The following FAIM2 variants were observed in gnomAD, a reference collection of about 807,000 sequenced individuals.
FAIM2 encodes the protein Fas apoptotic inhibitory molecule 2, also known as protein lifeguard 2.
Under a neutral mutation model 47.4 loss-of-function variants are expected in FAIM2, and 27 were observed. The ratio of observed to expected loss-of-function variants is 0.57; its 90% CI spans 0.42 to 0.78. FAIM2 has a LOEUF of 0.78. FAIM2 is among the 30% of genes least tolerant of loss of function. The probability of loss-of-function intolerance (pLI) is 0.00; values close to 1 mark genes in which losing one functional copy is unlikely to be tolerated. For missense variants in FAIM2, 311 were observed against 389.4 expected, an observed-to-expected ratio of 0.80 and a Z score of 1.69; for synonymous variants, 156 against 159.3, an observed-to-expected ratio of 0.98 and a Z score of 0.16.
At chr12:49,885,294 C>CCCGG in intron 11 of FAIM2, among the ~76,000 whole-genome samples, 1 of 152,310 alleles carries the variant, frequency 6.6e-6, no homozygotes, top group South Asian at 2.1e-4. Flanking sequence ...AAGTAAACTC[C>CCCGG]CCGGCCGGCC....
intron 11 of FAIM2, among the ~76,000 whole-genome samples, chr12:49,877,818 ATG>A (rs1297798729): frequency 6.7e-5 from 10 of 149,596 alleles, no homozygotes; most frequent in East Asian, 2.0e-4. Flanking sequence ...GCGTATGTGT[ATG>A]TGTGTCTATG....
intron 11 of FAIM2, among the ~76,000 whole-genome samples, chr12:49,883,156 G>A (rs965787508): frequency 1.3e-5 from 2 of 152,124 alleles, no homozygotes; most frequent in Non-Finnish European, 2.9e-5. Context: ...AGGTCAGAGA[G>A]CTTGCAGGCT....
rs1477856368 is a variant in FAIM2 at position 49,903,788 on chromosome 12, G to A, written c.5C>T (p.Thr2Ile). The A allele has an allele frequency of 6.5e-7, 1 of 1,547,178 alleles. No individual in the cohort carries two copies. The highest frequency in any genetic ancestry group is 2.0e-5 in the Admixed American group (1 of 50,588). Residue 2 changes from threonine (T) to isoleucine (I), a missense_variant, in exon 1 of 12, where the codon ACC becomes ATC. Coordinates refer to ENST00000320634, the MANE Select transcript of FAIM2 (RefSeq NM_012306.4). Reference protein sequence around the residue: MTQGKLSVANKA... With the variant: MIQGKLSVANKA... ...GGGAGATGCCGGTACCTTTCCCTGG[G>A]TCATGGTGCCGTCTCTCGGGGAAGG...
At chr12:49,899,950 A>G (rs1946970023) in intron 2 of FAIM2, among the ~76,000 whole-genome samples, 1 of 152,220 alleles carries the variant, frequency 6.6e-6, no homozygotes, top group African/African-American at 2.4e-5. Flanking sequence ...AGGATATGGG[A>G]AATGAGGAAG....
intron 2 of FAIM2, among the ~76,000 whole-genome samples, chr12:49,899,683 G>A (rs1946967929): frequency 6.6e-6 from 1 of 152,202 alleles, no homozygotes; most frequent in South Asian, 2.1e-4. Flanking sequence ...CTGACTGTTA[G>A]GTGGGTTAGG....
At chr12:49,886,715 A>G (rs1946864211) in intron 11 of FAIM2, among the ~76,000 whole-genome samples, 1 of 152,090 alleles carries the variant, frequency 6.6e-6, no homozygotes, top group South Asian at 2.1e-4. Flanking sequence ...TGACCTCATG[A>G]TCCGCCCTCC....
chr12:49,890,084 T>C (rs1946889134), intron 8 of FAIM2, 33 bp downstream of exon 8: 2 of 1,609,794 alleles, frequency 1.2e-6, no homozygotes, highest in Non-Finnish European at 8.5e-7. Context: ...GCCTGGCCTA[T>C]GGTCCTTCTC....
In FAIM2 at chr12:49,897,593, G is replaced by A; in HGVS notation, c.316-10C>T. 6.2e-7 allele frequency: 1 copy of A among 1,611,458 alleles called. No individual in the cohort carries two copies. The highest frequency in any genetic ancestry group is 8.5e-7 in the Non-Finnish European group (1 of 1,178,562). ...GCAGGATGGTGTAGACCTGGGGGTG[G>A]GAGGGGTTCTACTCAGCTTGGGGGG... is the stretch of plus-strand genomic sequence containing the variant. On this transcript the variant is annotated splice_polypyrimidine_tract_variant and intron_variant, in intron 3 of 11. Coordinates refer to ENST00000320634, the MANE Select transcript of FAIM2 (RefSeq NM_012306.4).
intron 5 of FAIM2, among the ~76,000 whole-genome samples, chr12:49,895,778 G>A (rs549414224): frequency 4.9e-4 from 75 of 152,290 alleles, no homozygotes; most frequent in Non-Finnish European, 8.8e-5. Context: ...GGTCCAGGGG[G>A]CTCTGGGCTG....
At chr12:49,884,786 A>T (rs1169545302) in intron 11 of FAIM2, among the ~76,000 whole-genome samples, 1 of 152,212 alleles carries the variant, frequency 6.6e-6, no homozygotes, top group Non-Finnish European at 1.5e-5. Flanking sequence ...CATCCTGGCT[A>T]ACACAGTGAA....
chr12:49,880,242 GTA>G (rs1361315905), intron 11 of FAIM2, among the ~76,000 whole-genome samples: 1 of 151,582 alleles, frequency 6.6e-6, no homozygotes, highest in Non-Finnish European at 1.5e-5. Flanking sequence ...GTGTGTATGT[GTA>G]TGTTCATGTG....
At chr12:49,894,473 G>T (rs1164442295) in intron 5 of FAIM2, among the ~76,000 whole-genome samples, 1 of 152,192 alleles carries the variant, frequency 6.6e-6, no homozygotes. Context: ...GCTGGGCTGT[G>T]GGTGGGGGAG....
At chr12:49,889,073 C>T (rs1361448581) in intron 10 of FAIM2, 34 bp downstream of exon 10, 9 of 1,531,374 alleles carry the variant, frequency 5.9e-6, no homozygotes, top group Middle Eastern at 1.7e-4. Flanking sequence ...CCCCTCCCTC[C>T]CCATGGGGCC....
intron 11 of FAIM2, among the ~76,000 whole-genome samples, chr12:49,875,934 C>T (rs1946733454): frequency 6.6e-6 from 1 of 152,168 alleles, no homozygotes; most frequent in South Asian, 2.1e-4. Context: ...CAAGATCACA[C>T]CACTGCACTC....
At position 49,874,986 on chromosome 12, in the gene FAIM2, G is replaced by A. The variant is rs917304686; in HGVS notation, c.802-4333C>T. 2.0e-5 allele frequency among the ~76,000 whole-genome samples: 3 copies of A among 152,128 alleles called. No individual in the cohort carries two copies. Among genetic ancestry groups the A allele is most frequent in the South Asian group, 2.1e-4 (1 of 4,834 alleles). ...ATAAAACTATACACGTCAGAGGAGC[G>A]CACATAGCAAATATCTATGAAATGC... is the stretch of plus-strand genomic sequence containing the variant. On this transcript the variant is annotated intron_variant, in intron 11 of 11. Coordinates refer to ENST00000320634, the MANE Select transcript of FAIM2 (RefSeq NM_012306.4). This position sits in a 1 kb window ranked among gnomAD's most constrained non-coding sequence, Gnocchi z 4.2.
At chr12:49,880,595 T>C (rs547346908) in intron 11 of FAIM2, among the ~76,000 whole-genome samples, 68 of 148,118 alleles carry the variant, frequency 4.6e-4, no homozygotes, top group African/African-American at 1.7e-3. Flanking sequence ...TATGTGCATG[T>C]GTATGTGTGT....
At chr12:49,876,409 C>T (rs980936300) in intron 11 of FAIM2, among the ~76,000 whole-genome samples, 1 of 152,102 alleles carries the variant, frequency 6.6e-6, no homozygotes, top group Non-Finnish European at 1.5e-5. Context: ...ATTTAGATGA[C>T]CAGATTTTGA....
At chr12:49,878,184 A>G (rs1946755455) in intron 11 of FAIM2, among the ~76,000 whole-genome samples, 1 of 127,632 alleles carries the variant, frequency 7.8e-6, no homozygotes, top group African/African-American at 3.0e-5. Flanking sequence ...GCATGTGTAT[A>G]TGTGTGTGCA....
chr12:49,902,812 C>G (rs1393436704), intron 1 of FAIM2: 1 of 152,200 alleles, frequency 6.6e-6, no homozygotes, highest in African/African-American at 2.4e-5. Context: ...TGCCCAGGCC[C>G]CCGACACACA....
Sources: gnomAD v4.1 joint callset for allele counts (sites outside exome capture counted in the v4.1 genomes callset) on GRCh38, gnomAD v4.1.1 for gene constraint, Gnocchi (gnomAD v3.1) non-coding constraint, MANE v1.5 for transcripts, NCBI Gene and HGNC (gene_info 2026-07-23, HGNC 2026-07-21) for gene names.